The following ZNF804B variants were observed in gnomAD, a reference collection of about 807,000 sequenced individuals.
The protein encoded by ZNF804B is zinc finger protein 804B.
ZNF804B carries 80 observed loss-of-function variants against 101.4 expected under a neutral mutation model. That is an observed-to-expected ratio of 0.79 (90% confidence interval 0.66 to 0.95). ZNF804B has a LOEUF of 0.95. Ranked by LOEUF, ZNF804B falls within the 40% of genes least tolerant of loss-of-function variation. ZNF804B has a pLI of 0.00. For missense variants in ZNF804B, 1,673 were observed against 1,561.9 expected (o/e 1.07, Z -1.20); for synonymous variants, 622 against 558.8 (o/e 1.11, Z -1.59).
intron 1 of ZNF804B, among the ~76,000 whole-genome samples, chr7:88,785,315 G>A (rs193108774): frequency 1.3e-5 from 2 of 151,974 alleles, no homozygotes; most frequent in Admixed American, 6.6e-5. Flanking sequence ...AAATACCAAG[G>A]TATTGGACAC....
rs183183501 is a variant in ZNF804B, at chr7:88,892,513, G to C, written c.108+132429G>C. Among the ~76,000 whole-genome samples, 99 of 152,072 alleles carry C rather than the reference G, an allele frequency of 6.5e-4. 1 individual carries two copies. The highest frequency in any genetic ancestry group is 4.6e-3 in the South Asian group (22 of 4,822). ...TTTAAGTGTCAGTTTTTTGTATAGA[G>C]TATCTTTTCTCTTTGACTTCTTCTG... On this transcript the variant is annotated intron_variant, in intron 1 of 3. Transcript: ENST00000333190.
intron 2 of ZNF804B, among the ~76,000 whole-genome samples, chr7:89,323,759 G>GT (rs1417715630): frequency 4.6e-5 from 7 of 152,050 alleles, no homozygotes; most frequent in Non-Finnish European, 7.4e-5. Flanking sequence ...CCATTATTGT[G>GT]TGTAAATGTG....
rs564105873 is a variant in ZNF804B at position 88,850,619 on chromosome 7, A to T, written c.108+90535A>T. On this transcript the variant is annotated intron_variant, in intron 1 of 3. Coordinates refer to ENST00000333190, the MANE Select transcript of ZNF804B (RefSeq NM_181646.5). ...AAAATTTACCCTAGACAAAATGCCT[A>T]AGAAACTTAATAGCAAGATCCAAAA... is the stretch of plus-strand genomic sequence containing the variant. 4.6e-5 allele frequency among the ~76,000 whole-genome samples: 7 copies of T among 152,260 alleles called. No homozygotes were observed. In the East Asian group the frequency reaches 1.4e-3, roughly 29 times the overall value.
intron 2 of ZNF804B, among the ~76,000 whole-genome samples, chr7:89,288,294 T>G (rs946375046): frequency 6.6e-6 from 1 of 152,042 alleles, no homozygotes; most frequent in African/African-American, 2.4e-5. Flanking sequence ...CTAACAGATA[T>G]ATAAGGAGTT....
At chr7:89,271,358 C>T (rs1424657150) in intron 2 of ZNF804B, among the ~76,000 whole-genome samples, 2 of 152,020 alleles carry the variant, frequency 1.3e-5, no homozygotes, top group African/African-American at 4.8e-5. Context: ...TGTTTATATG[C>T]TGGATTACGT....
At chr7:89,209,916 A>G (rs933301170) in intron 1 of ZNF804B, among the ~76,000 whole-genome samples, 3 of 152,190 alleles carry the variant, frequency 2.0e-5, no homozygotes, top group African/African-American at 7.2e-5. Flanking sequence ...TGGGAGGCTG[A>G]GGCAGGTGGA....
chr7:89,202,573 A>G (rs1194287269), intron 1 of ZNF804B, among the ~76,000 whole-genome samples: 1 of 152,162 alleles, frequency 6.6e-6, no homozygotes, highest in Non-Finnish European at 1.5e-5. Flanking sequence ...AGAAAGAAAA[A>G]AATTCTACAT....
chr7:88,790,658 A>G (rs1201339002), intron 1 of ZNF804B, among the ~76,000 whole-genome samples: 5 of 152,046 alleles, frequency 3.3e-5, no homozygotes, highest in African/African-American at 1.2e-4. Context: ...CATATCACAT[A>G]TACATATATC....
intron 1 of ZNF804B, among the ~76,000 whole-genome samples, chr7:89,066,680 A>G (rs991934629): frequency 1.3e-5 from 2 of 152,260 alleles, no homozygotes; most frequent in Non-Finnish European, 1.5e-5. Context: ...GCAGCCAAAA[A>G]TTGTATAGAA....
intron 1 of ZNF804B, among the ~76,000 whole-genome samples, chr7:88,810,891 A>G (rs953965408): frequency 1.3e-5 from 2 of 152,070 alleles, no homozygotes; most frequent in Non-Finnish European, 2.9e-5. Context: ...TCAGATGTAA[A>G]ATATGTGGCA....
chr7:89,334,556 A>G lies in ZNF804B; in HGVS notation c.1574A>G (p.Lys525Arg). The G allele has an allele frequency of 6.2e-7, 1 of 1,613,664 alleles. No individual in the cohort carries two copies. The highest frequency in any genetic ancestry group is 8.5e-7 in the Non-Finnish European group (1 of 1,179,810). ...TCAGGTTTAACTGAAGACCAACAAA[A>G]ATTGATCCAAGAAGATTATCAATAT... ...QVSGLTEDQQ[K>R]LIQEDYQYPK... The change falls in exon 4 of 4, where the codon AAA (lysine) becomes AGA (arginine). Residue 525 changes from lysine to arginine, a missense_variant. Transcript: ENST00000333190.
chr7:89,186,053 T>C (rs940212052), intron 1 of ZNF804B, among the ~76,000 whole-genome samples: 6 of 152,212 alleles, frequency 3.9e-5, no homozygotes, highest in African/African-American at 9.6e-5. Flanking sequence ...TTGATACTTA[T>C]ATAGTGAAAA....
At chr7:89,285,945 T>TGAGG in intron 2 of ZNF804B, among the ~76,000 whole-genome samples, 1 of 152,180 alleles carries the variant, frequency 6.6e-6, no homozygotes, top group Non-Finnish European at 1.5e-5. Context: ...GCCTACTCAA[T>TGAGG]ATGGGCACAA....
chr7:88,887,891 T>C (rs10952937), intron 1 of ZNF804B, among the ~76,000 whole-genome samples: 68,582 of 151,950 alleles, frequency 0.45, 17,183 homozygotes, highest in African/African-American at 0.67. Flanking sequence ...CTTATATATG[T>C]ATATTCTTTA....
chr7:89,138,182 C>T (rs1013405148), intron 1 of ZNF804B, among the ~76,000 whole-genome samples: 9 of 152,096 alleles, frequency 5.9e-5, no homozygotes, highest in African/African-American at 2.2e-4. Context: ...TAGGGCAGTG[C>T]AGAAGGGAAA....
chr7:89,238,499 G>A lies in ZNF804B; in HGVS notation c.249+20204G>A, dbSNP rs561236568. Among the ~76,000 whole-genome samples, 6 of 152,238 alleles carry A rather than the reference G, an allele frequency of 3.9e-5. No individual in the cohort carries two copies. In the South Asian group the frequency reaches 1.2e-3, roughly 32 times the overall value. ...TTACATCCCACTGCATTTTGTAAGA[G>A]CAAATTTGTTTTGTGAAATTTTGTT... On this transcript the variant is annotated intron_variant, in intron 2 of 3. Coordinates refer to ENST00000333190, the MANE Select transcript of ZNF804B (RefSeq NM_181646.5).
intron 1 of ZNF804B, among the ~76,000 whole-genome samples, chr7:88,897,824 C>T (rs1400208716): frequency 1.3e-5 from 2 of 151,530 alleles, no homozygotes; most frequent in Non-Finnish European, 2.9e-5. Flanking sequence ...TACTTTACTA[C>T]TTGCTGGGTG....
chr7:89,250,855 T>C (rs912629773), intron 2 of ZNF804B, among the ~76,000 whole-genome samples: 1 of 152,162 alleles, frequency 6.6e-6, no homozygotes, highest in African/African-American at 2.4e-5. Flanking sequence ...ATCATCTCAA[T>C]AGACGTGAGA....
chr7:89,106,605 G>T (rs1014667760), intron 1 of ZNF804B, among the ~76,000 whole-genome samples: 1 of 152,084 alleles, frequency 6.6e-6, no homozygotes, highest in South Asian at 2.1e-4. Context: ...ACAATTAGAA[G>T]AAGCCATTCT....
Sources: allele counts gnomAD v4.1 joint callset (sites outside exome capture counted in the v4.1 genomes callset), GRCh38; gene constraint gnomAD v4.1.1; transcripts MANE v1.5; gene names NCBI Gene and HGNC (gene_info 2026-07-23, HGNC 2026-07-21).